RXFP2: variants seen among roughly 807,000 people sequenced by gnomAD.
RXFP2 encodes relaxin receptor 2.
A neutral mutation model predicts 88.6 loss-of-function variants in RXFP2; 68 were observed. That is an observed-to-expected ratio of 0.77 (90% CI 0.63 to 0.94). The LOEUF (loss-of-function observed/expected upper bound fraction) is 0.94. Among genes scored for constraint, RXFP2 ranks in the 40% least tolerant of loss-of-function variants. The pLI is 0.00. For synonymous variants in RXFP2, 329 were observed against 306.8 expected (o/e 1.07, Z -0.76); for missense variants, 791 against 893.9 (o/e 0.88, Z 1.47).
intron 1 of RXFP2, among the ~76,000 whole-genome samples, chr13:31,741,417 A>C (rs897018955): frequency 6.6e-6 from 1 of 152,174 alleles, no homozygotes; most frequent in African/African-American, 2.4e-5. Context: ...TATAAAAATA[A>C]TAGAATTTGC....
At chr13:31,771,800 A>AAAAAAG (rs1555283477) in intron 5 of RXFP2, among the ~76,000 whole-genome samples, 12 of 151,612 alleles carry the variant, frequency 7.9e-5, no homozygotes, top group South Asian at 2.1e-4. Context: ...TTAAAAAAAA[A>AAAAAAG]AAAGAAAGAA....
At chr13:31,766,193 C>T (rs1288143460) in intron 5 of RXFP2, among the ~76,000 whole-genome samples, 166 bp downstream of exon 5, 1 of 151,670 alleles carries the variant, frequency 6.6e-6, no homozygotes, top group African/African-American at 2.4e-5. Flanking sequence ...GTTATCTTTC[C>T]ATTTCATAAT....
chr13:31,779,725 G>A (rs1180929354), intron 9 of RXFP2, among the ~76,000 whole-genome samples: 1 of 152,060 alleles, frequency 6.6e-6, no homozygotes, highest in African/African-American at 2.4e-5. Flanking sequence ...TCAAATCATG[G>A]AACTCAAGAC....
At chr13:31,777,492 A>G (rs1873046044) in intron 8 of RXFP2, 45 bp downstream of exon 8, 3 of 1,357,002 alleles carry the variant, frequency 2.2e-6, no homozygotes, top group Non-Finnish European at 3.2e-6. Context: ...ATACATTGCA[A>G]TGACATCTAG....
At chr13:31,760,031 T>C (rs1042354235) in intron 2 of RXFP2, among the ~76,000 whole-genome samples, 1 of 152,202 alleles carries the variant, frequency 6.6e-6, no homozygotes, top group East Asian at 1.9e-4. Flanking sequence ...GGTGTATCTG[T>C]ATGCTGCACA....
intron 17 of RXFP2, among the ~76,000 whole-genome samples, chr13:31,799,771 T>C (rs1874242462): frequency 6.6e-6 from 1 of 152,174 alleles, no homozygotes; most frequent in Admixed American, 6.5e-5. Context: ...AGGACTGCTA[T>C]AACAAAGGAC....
intron 11 of RXFP2, among the ~76,000 whole-genome samples, chr13:31,785,252 C>T (rs1873477657): frequency 6.6e-6 from 1 of 152,068 alleles, no homozygotes; most frequent in African/African-American, 2.4e-5. Flanking sequence ...CCTTGAAGTG[C>T]ACGCATGGCT....
chr13:31,762,707 G>T (rs960445066), intron 3 of RXFP2, among the ~76,000 whole-genome samples: 11 of 152,018 alleles, frequency 7.2e-5, no homozygotes, highest in African/African-American at 2.7e-4. Flanking sequence ...TATAATACCA[G>T]TTTATAATTA....
Position 31,765,949 on chromosome 13 carries a change from AT to A in RXFP2, c.426-3del. 1 of 1,417,562 alleles carries A rather than the reference AT, an allele frequency of 7.1e-7. No homozygotes were observed. The highest frequency in any genetic ancestry group is 9.9e-7 in the Non-Finnish European group (1 of 1,009,602). The allele number at this position is 1,417,562 out of a possible 1,614,324, so 87.8% of individuals were successfully genotyped here. A position where few individuals can be genotyped will look rare whatever the true frequency, so the allele number is the denominator to read the frequency against. ...CATAATGAAGTTTGCTTTACATGTT[AT>A]TTTAGGTCTCTTAAGAAAAACAAAA... On this transcript the variant is annotated splice_polypyrimidine_tract_variant and splice_region_variant and intron_variant, in intron 4 of 17. Coordinates refer to ENST00000298386, the MANE Select transcript of RXFP2 (RefSeq NM_130806.5).
intron 1 of RXFP2, among the ~76,000 whole-genome samples, chr13:31,741,444 C>T (rs1481916949): frequency 6.6e-6 from 1 of 152,084 alleles, no homozygotes; most frequent in Non-Finnish European, 1.5e-5. Context: ...ATTAGTAAAA[C>T]TCTTTTCTTT....
At chr13:31,772,641 C>G (rs1013148147) in intron 5 of RXFP2, among the ~76,000 whole-genome samples, 5 of 152,176 alleles carry the variant, frequency 3.3e-5, no homozygotes, top group Non-Finnish European at 1.5e-5. Context: ...AGTTCAGCAG[C>G]CTAAGTCTGA....
chr13:31,741,780 C>T (rs910315550), intron 1 of RXFP2, among the ~76,000 whole-genome samples: 2 of 152,172 alleles, frequency 1.3e-5, no homozygotes, highest in Non-Finnish European at 2.9e-5. Flanking sequence ...TGTTAACCAG[C>T]TTCAAACTAC....
At chr13:31,762,832 A>G (rs746205456) in intron 3 of RXFP2, among the ~76,000 whole-genome samples, 1 of 152,170 alleles carries the variant, frequency 6.6e-6, no homozygotes, top group Non-Finnish European at 1.5e-5. Context: ...CTGAGCCACA[A>G]TGAGTTGTCT....
At position 31,802,243 on chromosome 13, in the gene RXFP2, G is replaced by A. The variant is rs1167058658; in HGVS notation, c.2103G>A (p.Lys701=). The A allele has an allele frequency of 6.2e-7, 1 of 1,613,720 alleles. No individual in the cohort carries two copies. ...YTLTTNFFKD[K]LKQLLHKHQR... ...TCACAACCAACTTTTTTAAGGACAA[G>A]TTGAAACAGCTGCTGCACAAACATC... is the stretch of plus-strand genomic sequence containing the variant. The change falls in exon 18 of 18, where the codon AAG becomes AAA. Residue 701 remains lysine, a synonymous_variant. Coordinates refer to ENST00000298386, the MANE Select transcript of RXFP2 (RefSeq NM_130806.5).
chr13:31,743,361 G>T (rs202003695), intron 1 of RXFP2, among the ~76,000 whole-genome samples: 7 of 151,954 alleles, frequency 4.6e-5, no homozygotes, highest in Non-Finnish European at 1.0e-4. Flanking sequence ...CCAGCTACTC[G>T]GGAGGCTGAG....
intron 17 of RXFP2, 123 bp downstream of exon 17, chr13:31,797,542 C>A: frequency 1.3e-6 from 1 of 755,256 alleles, no homozygotes; most frequent in African/African-American, 1.7e-5. Context: ...AGTTATTTCC[C>A]TCCATGTTTT....
chr13:31,764,169 A>G (rs1334519814), intron 3 of RXFP2, among the ~76,000 whole-genome samples: 1 of 152,070 alleles, frequency 6.6e-6, no homozygotes, highest in African/African-American at 2.4e-5. Context: ...AGGAGAAATC[A>G]GACTCCAAAA....
intron 1 of RXFP2, among the ~76,000 whole-genome samples, chr13:31,743,662 T>C (rs1871299396): frequency 6.6e-6 from 1 of 151,768 alleles, no homozygotes; most frequent in South Asian, 2.1e-4. Context: ...CATCTTTATT[T>C]ATTCTCCCCT....
chr13:31,764,590 C>T (rs1412524453), intron 3 of RXFP2, among the ~76,000 whole-genome samples: 2 of 151,998 alleles, frequency 1.3e-5, no homozygotes, highest in Non-Finnish European at 2.9e-5. Context: ...CTTCTCATGG[C>T]TCTAAGGGAA....
Sources: allele counts gnomAD v4.1 joint callset (sites outside exome capture counted in the v4.1 genomes callset), GRCh38; gene constraint gnomAD v4.1.1; transcripts MANE v1.5; gene names NCBI Gene and HGNC (gene_info 2026-07-23, HGNC 2026-07-21).